Variants in SPIDR observed in about 807,000 individuals in gnomAD.
The protein encoded by SPIDR is scaffold protein involved in DNA repair, also known as DNA repair-scaffolding protein.
SPIDR carries 93 observed loss-of-function variants against 104.6 expected under a neutral mutation model. That is an observed-to-expected ratio of 0.89 (90% CI 0.75 to 1.06). The LOEUF is 1.06. Among genes scored for constraint, SPIDR ranks in the 50% least tolerant of loss-of-function variants. The probability of loss-of-function intolerance (pLI) is 0.00; values close to 1 mark genes in which losing one functional copy is unlikely to be tolerated. For synonymous variants in SPIDR, 431 were observed against 416.9 expected, an observed-to-expected ratio of 1.03 and a Z score of -0.41; for missense variants, 1,154 against 1,111.2, an observed-to-expected ratio of 1.04 and a Z score of -0.55.
chr8:47,285,038 G>C (rs1390581724), intron 3 of SPIDR, among the ~76,000 whole-genome samples: 1 of 152,202 alleles, frequency 6.6e-6, no homozygotes, highest in Non-Finnish European at 1.5e-5. Context: ...AACATTCGCA[G>C]TCTGTTTTGT....
At chr8:47,706,549 C>T (rs1243074270) in intron 14 of SPIDR, among the ~76,000 whole-genome samples, 1 of 152,188 alleles carries the variant, frequency 6.6e-6, no homozygotes, top group East Asian at 1.9e-4. Context: ...GCATCACTGT[C>T]ACTGCAGTCA....
chr8:47,612,293 T>C (rs1338501571), intron 10 of SPIDR, among the ~76,000 whole-genome samples: 1 of 152,146 alleles, frequency 6.6e-6, no homozygotes, highest in African/African-American at 2.4e-5. Context: ...CCCACAGACA[T>C]TGAATGAGGA....
At chr8:47,561,659 C>A (rs537918799) in intron 8 of SPIDR, among the ~76,000 whole-genome samples, 9 of 152,164 alleles carry the variant, frequency 5.9e-5, no homozygotes, top group Non-Finnish European at 1.2e-4. Context: ...AGTGCCCACC[C>A]CTGCCCCTCC....
intron 16 of SPIDR, among the ~76,000 whole-genome samples, chr8:47,724,525 T>A (rs2083912785): frequency 2.0e-5 from 3 of 152,198 alleles, no homozygotes; most frequent in Admixed American, 2.0e-4. Context: ...GTCCAGAAGA[T>A]CTCAGTGATG....
chr8:47,649,419 A>C (rs1436495073), intron 10 of SPIDR, among the ~76,000 whole-genome samples: 2 of 152,180 alleles, frequency 1.3e-5, no homozygotes, highest in African/African-American at 4.8e-5. Context: ...CCAAAATGTC[A>C]GGGTTATGAA....
chr8:47,547,098 T>C (rs1341205897), intron 8 of SPIDR: 3 of 559,894 alleles, frequency 5.4e-6, no homozygotes, highest in Non-Finnish European at 1.0e-5. Flanking sequence ...CTTGCCAGTT[T>C]CCAAATCAAT....
At chr8:47,589,242 C>G (rs974952906) in intron 8 of SPIDR, among the ~76,000 whole-genome samples, 6 of 151,710 alleles carry the variant, frequency 4.0e-5, no homozygotes, top group Non-Finnish European at 7.4e-5. Flanking sequence ...CAAATTTGGC[C>G]GGGCATGGTG....
intron 8 of SPIDR, among the ~76,000 whole-genome samples, chr8:47,473,781 G>A (rs2075986902): frequency 6.6e-6 from 1 of 152,134 alleles, no homozygotes; most frequent in Admixed American, 6.5e-5. Flanking sequence ...CACAGGATCT[G>A]GAAATTAGAT....
chr8:47,589,477 A>T (rs2060727743), intron 8 of SPIDR, among the ~76,000 whole-genome samples: 1 of 151,568 alleles, frequency 6.6e-6, no homozygotes, highest in Admixed American at 6.6e-5. Flanking sequence ...GTGAACCGAG[A>T]TCACACCACT....
chr8:47,520,444 T>G (rs2083889648), intron 8 of SPIDR, among the ~76,000 whole-genome samples: 1 of 152,206 alleles, frequency 6.6e-6, no homozygotes. Context: ...GAAGTCTGGC[T>G]AAAGAGTAGT....
rs369299550 is a variant in SPIDR, at chr8:47,317,333, A to G, written c.525+23303A>G. On this transcript the variant is annotated intron_variant, in intron 5 of 19. Coordinates refer to ENST00000297423, the MANE Select transcript of SPIDR (RefSeq NM_001080394.4). ...CCACGCCTGGCTCGGAGGGTCCTAC[A>G]CCTGCGGAGCCTCGCTCATTGCTAG... Among the ~76,000 whole-genome samples, 3 of 152,000 alleles carry G rather than the reference A, an allele frequency of 2.0e-5. No individual in the cohort carries two copies. The East Asian group carries it at 5.9e-4, about 30-fold the overall frequency.
At chr8:47,593,144 C>T (rs2061253215) in intron 8 of SPIDR, among the ~76,000 whole-genome samples, 1 of 152,178 alleles carries the variant, frequency 6.6e-6, no homozygotes, top group African/African-American at 2.4e-5. Flanking sequence ...CCTCGGCCTC[C>T]CAAAACACTG....
intron 5 of SPIDR, among the ~76,000 whole-genome samples, chr8:47,355,287 A>G (rs2054316089): frequency 6.6e-6 from 1 of 151,210 alleles, no homozygotes; most frequent in Non-Finnish European, 1.5e-5. Flanking sequence ...AAAAAAAAAA[A>G]AAAAATACTG....
rs116655565 is a variant in SPIDR, at chr8:47,558,196, G to A, written c.1098-37615G>A. Among the ~76,000 whole-genome samples the A allele has an allele frequency of 9.8e-3, 1,496 of 152,172 alleles. 27 individuals are homozygous for A. Among genetic ancestry groups the A allele is most frequent in the African/African-American group, 0.033 (1,385 of 41,526 alleles). ...GGCAAGGTTGAAAAACTACTTACTT[G>A]GTACTATGTTCACTGTTGAGGTGAC... On this transcript the variant is annotated intron_variant, in intron 8 of 19. Coordinates refer to ENST00000297423, the MANE Select transcript of SPIDR (RefSeq NM_001080394.4).
chr8:47,533,530 G>T (rs1345787780), intron 8 of SPIDR, among the ~76,000 whole-genome samples: 2 of 152,050 alleles, frequency 1.3e-5, no homozygotes, highest in African/African-American at 2.4e-5. Context: ...ATCTGACAAA[G>T]GTCTAATATC....
rs368202086 is a variant in SPIDR, at chr8:47,462,498, A to G, written c.1097+21956A>G. On this transcript the variant is annotated intron_variant, in intron 8 of 19. Transcript: ENST00000297423. ...CTCCTGTCTATCATTTTCCCCCCAA[A>G]TCTCCAAGAAGAAACTATTGAGATG... 1.3e-4 allele frequency among the ~76,000 whole-genome samples: 20 copies of G among 152,192 alleles called. 1 individual carries two copies. Among genetic ancestry groups the G allele is most frequent in the Middle Eastern group, 3.4e-3 (1 of 294 alleles).
Position 47,686,512 on chromosome 8 carries a change from A to G in SPIDR, c.1685+12571A>G, listed in dbSNP as rs148471306. On this transcript the variant is annotated intron_variant, in intron 11 of 19. Coordinates refer to ENST00000297423, the MANE Select transcript of SPIDR (RefSeq NM_001080394.4). Reference sequence around the variant, plus strand: ...GCTTGAGTGTCACTAGAGTCACTCTATTTTTTCATTTTACCTTCAAACTAG... The same window carrying G: ...GCTTGAGTGTCACTAGAGTCACTCTGTTTTTTCATTTTACCTTCAAACTAG... 1.8e-4 allele frequency among the ~76,000 whole-genome samples: 27 copies of G among 152,264 alleles called. No homozygotes were observed. The East Asian group carries it at 3.7e-3, about 21-fold the overall frequency.
At chr8:47,643,647 T>C (rs2069637356) in intron 10 of SPIDR, among the ~76,000 whole-genome samples, 2 of 152,144 alleles carry the variant, frequency 1.3e-5, no homozygotes, top group Admixed American at 1.3e-4. Context: ...ATTACAGGCG[T>C]GAGCCATTGT....
chr8:47,278,969 C>T (rs1412212942), intron 1 of SPIDR, among the ~76,000 whole-genome samples: 1 of 151,980 alleles, frequency 6.6e-6, no homozygotes, highest in Non-Finnish European at 1.5e-5. Context: ...TCACTGCAGC[C>T]TCAAACTCCT....
Sources: allele counts gnomAD v4.1 joint callset (sites outside exome capture counted in the v4.1 genomes callset), GRCh38; gene constraint gnomAD v4.1.1; transcripts MANE v1.5; gene names NCBI Gene and HGNC (gene_info 2026-07-23, HGNC 2026-07-21).